Variants in MAN1C1 observed in about 807,000 individuals in gnomAD.
The protein encoded by MAN1C1 is mannosyl-oligosaccharide 1,2-alpha-mannosidase IC.
MAN1C1 carries 49 observed loss-of-function variants against 71.5 expected under a neutral mutation model. The ratio of observed to expected loss-of-function variants is 0.69; its 90% CI spans 0.54 to 0.87. MAN1C1 has a LOEUF of 0.87. MAN1C1 is among the 40% of genes least tolerant of loss of function. The pLI is 0.00. For synonymous variants in MAN1C1, 352 were observed against 343.7 expected (o/e 1.02, Z -0.27); for missense variants, 743 against 835.0 (o/e 0.89, Z 1.36).
At chr1:25,669,598 CT>C (rs201336676) in intron 1 of MAN1C1, among the ~76,000 whole-genome samples, 1 of 151,926 alleles carries the variant, frequency 6.6e-6, no homozygotes, top group African/African-American at 2.4e-5. Context: ...GAGACCCTAT[CT>C]TTTTTAAAAA....
At chr1:25,644,266 C>T (rs1031881388) in intron 1 of MAN1C1, among the ~76,000 whole-genome samples, 1 of 151,742 alleles carries the variant, frequency 6.6e-6, no homozygotes, top group East Asian at 1.9e-4. Context: ...TGTACTGAGT[C>T]GTGGGAGGTG....
At chr1:25,720,863 A>G (rs549843979) in intron 2 of MAN1C1, among the ~76,000 whole-genome samples, 1 of 152,200 alleles carries the variant, frequency 6.6e-6, no homozygotes, top group East Asian at 1.9e-4. Flanking sequence ...GTGAGGTAGG[A>G]CTCCAGCTTC....
At chr1:25,656,972 C>T (rs1356718579) in intron 1 of MAN1C1, among the ~76,000 whole-genome samples, 1 of 152,096 alleles carries the variant, frequency 6.6e-6, no homozygotes, top group Non-Finnish European at 1.5e-5. Flanking sequence ...ACTACAGGCA[C>T]CCGCCACCAT....
At chr1:25,748,502 C>G (rs1371365962) in intron 3 of MAN1C1, among the ~76,000 whole-genome samples, 1 of 152,136 alleles carries the variant, frequency 6.6e-6, no homozygotes, top group Non-Finnish European at 1.5e-5. Context: ...CTGTGTTCAC[C>G]CTGCACGGGA....
intron 1 of MAN1C1, among the ~76,000 whole-genome samples, chr1:25,679,950 AATATATATAT>A (rs71576063): frequency 1.7e-5 from 2 of 117,262 alleles, no homozygotes; most frequent in Non-Finnish European, 3.4e-5. Context: ...AAAAAAAAAA[AATATATATAT>A]ATATATATAT....
intron 7 of MAN1C1, among the ~76,000 whole-genome samples, chr1:25,766,402 G>T (rs964731050): frequency 2.0e-5 from 3 of 151,814 alleles, no homozygotes; most frequent in African/African-American, 7.3e-5. Flanking sequence ...TTACCACCTT[G>T]CATAAGCTTA....
intron 1 of MAN1C1, among the ~76,000 whole-genome samples, chr1:25,642,306 A>G (rs2045549085): frequency 1.3e-5 from 2 of 152,186 alleles, no homozygotes; most frequent in Admixed American, 6.5e-5. Flanking sequence ...TAACTGATTG[A>G]TGCTCAGGAA....
At chr1:25,690,317 G>C (rs563667723) in intron 2 of MAN1C1, among the ~76,000 whole-genome samples, 2 of 140,718 alleles carry the variant, frequency 1.4e-5, no homozygotes, top group Admixed American at 1.4e-4. Flanking sequence ...TTTTGAGATG[G>C]AGTCTTGTTC....
chr1:25,644,518 A>ATTTTTTTTTTTTTTT (rs1203077345), intron 1 of MAN1C1: 2 of 40,286 alleles, frequency 5.0e-5, no homozygotes, highest in African/African-American at 1.9e-4. Flanking sequence ...ATATATATAT[A>ATTTTTTTTTTTTTTT]TTTTTTTTTT....
At chr1:25,727,063 A>C (rs1041548825) in intron 2 of MAN1C1, among the ~76,000 whole-genome samples, 1 of 152,268 alleles carries the variant, frequency 6.6e-6, no homozygotes, top group South Asian at 2.1e-4. Flanking sequence ...TTTCCAAAAA[A>C]AAAAGTAAAA....
At chr1:25,701,088 A>G (rs2046436125) in intron 2 of MAN1C1, among the ~76,000 whole-genome samples, 1 of 152,260 alleles carries the variant, frequency 6.6e-6, no homozygotes. Flanking sequence ...CTTTATGCCA[A>G]TGCAGTTGTC....
At chr1:25,734,190 G>T (rs888927875) in intron 2 of MAN1C1, among the ~76,000 whole-genome samples, 2 of 152,066 alleles carry the variant, frequency 1.3e-5, no homozygotes, top group Non-Finnish European at 2.9e-5. Context: ...GTGCAGTAGC[G>T]CAATCACGGC....
intron 2 of MAN1C1, among the ~76,000 whole-genome samples, chr1:25,688,401 CCTT>C (rs1410219850): frequency 2.0e-5 from 3 of 152,194 alleles, no homozygotes; most frequent in Non-Finnish European, 4.4e-5. Flanking sequence ...AAAGCTTCCT[CCTT>C]CTCTCTAAAC....
chr1:25,713,225 C>T (rs988211213), intron 2 of MAN1C1, among the ~76,000 whole-genome samples: 1 of 151,682 alleles, frequency 6.6e-6, no homozygotes, highest in African/African-American at 2.4e-5. Flanking sequence ...TATGTCATGT[C>T]CTCTCATAAT....
chr1:25,639,013 G>A (rs1317278165), intron 1 of MAN1C1, among the ~76,000 whole-genome samples: 1 of 152,038 alleles, frequency 6.6e-6, no homozygotes, highest in Non-Finnish European at 1.5e-5. Context: ...CATCCTAGAG[G>A]TCACTGAGGC....
At chr1:25,650,562 G>C (rs972917400) in intron 1 of MAN1C1, among the ~76,000 whole-genome samples, 1 of 152,214 alleles carries the variant, frequency 6.6e-6, no homozygotes, top group Non-Finnish European at 1.5e-5. Context: ...GGTATGGCCT[G>C]CTTGACTCTG....
intron 2 of MAN1C1, among the ~76,000 whole-genome samples, chr1:25,716,777 A>C (rs1405989807): frequency 6.6e-6 from 1 of 152,214 alleles, no homozygotes; most frequent in East Asian, 1.9e-4. Flanking sequence ...AACACCACTA[A>C]AATCAAGGTA....
chr1:25,624,813 G>A (rs1474634038), intron 1 of MAN1C1, among the ~76,000 whole-genome samples: 3 of 152,024 alleles, frequency 2.0e-5, no homozygotes, highest in Non-Finnish European at 2.9e-5. Flanking sequence ...TGCTGGCCTC[G>A]TGGTCGCCAT....
At chr1:25,622,324 G>A (rs1215947276) in intron 1 of MAN1C1, among the ~76,000 whole-genome samples, 3 of 152,170 alleles carry the variant, frequency 2.0e-5, no homozygotes, top group Non-Finnish European at 2.9e-5. Flanking sequence ...CAAGAGGCTG[G>A]CATTTAGGGG....
Sources: gnomAD v4.1 joint callset for allele counts (sites outside exome capture counted in the v4.1 genomes callset) on GRCh38, gnomAD v4.1.1 for gene constraint, MANE v1.5 for transcripts, NCBI Gene and HGNC (gene_info 2026-07-23, HGNC 2026-07-21) for gene names.